ADAM18: variants seen among roughly 807,000 people sequenced by gnomAD.
ADAM18 encodes the protein disintegrin and metalloproteinase domain-containing protein 18.
In ADAM18, 117 loss-of-function variants were observed where a neutral mutation model predicts 94.4. The observed-to-expected ratio is 1.24, with a 90% CI of 1.07 to 1.45. ADAM18 has a LOEUF of 1.45. Ranked by LOEUF, ADAM18 falls within the 40% of genes most tolerant of loss-of-function variation. The probability of loss-of-function intolerance (pLI) is 0.00; values close to 1 mark genes in which losing one functional copy is unlikely to be tolerated. For synonymous variants in ADAM18, 327 were observed against 291.6 expected (o/e 1.12, Z -1.24); for missense variants, 936 against 880.0 (o/e 1.06, Z -0.81).
At chr8:39,645,762 A>G (rs1243865913) in intron 11 of ADAM18, among the ~76,000 whole-genome samples, 4 of 152,162 alleles carry the variant, frequency 2.6e-5, no homozygotes, top group African/African-American at 9.6e-5. Flanking sequence ...CTTTGTAACC[A>G]TCTTAAACAA....
At chr8:39,728,466 A>G (rs1019071036) in intron 19 of ADAM18, among the ~76,000 whole-genome samples, 1 of 152,166 alleles carries the variant, frequency 6.6e-6, no homozygotes, top group African/African-American at 2.4e-5. Flanking sequence ...GAGAGTCAGA[A>G]AGTCATTATT....
chr8:39,719,895 A>G (rs943338828), intron 18 of ADAM18, among the ~76,000 whole-genome samples: 2 of 151,464 alleles, frequency 1.3e-5, no homozygotes, highest in African/African-American at 2.4e-5. Flanking sequence ...CTATTATACA[A>G]TTTACCCAGT....
At chr8:39,716,662 C>T (rs186909447) in intron 18 of ADAM18, among the ~76,000 whole-genome samples, 4 of 151,938 alleles carry the variant, frequency 2.6e-5, no homozygotes, top group South Asian at 2.1e-4. Flanking sequence ...GAGAGCAACA[C>T]GCATTTTGCT....
intron 10 of ADAM18, among the ~76,000 whole-genome samples, chr8:39,642,371 C>T (rs1407748323): frequency 6.6e-6 from 1 of 152,052 alleles, no homozygotes; most frequent in Non-Finnish European, 1.5e-5. Flanking sequence ...AGCTTGTCTT[C>T]CAGGGATTTT....
chr8:39,702,846 C>T (rs1822126193), intron 17 of ADAM18, among the ~76,000 whole-genome samples: 1 of 152,118 alleles, frequency 6.6e-6, no homozygotes, highest in Non-Finnish European at 1.5e-5. Context: ...TCTATGTGTT[C>T]TGTCCTTGTA....
At chr8:39,708,054 A>G (rs1822290508) in intron 18 of ADAM18, among the ~76,000 whole-genome samples, 1 of 152,208 alleles carries the variant, frequency 6.6e-6, no homozygotes, top group African/African-American at 2.4e-5. Context: ...GGACTTGGGA[A>G]TGATTCAGGT....
intron 2 of ADAM18, among the ~76,000 whole-genome samples, chr8:39,588,096 T>C (rs528774880): frequency 6.6e-6 from 1 of 152,310 alleles, no homozygotes; most frequent in African/African-American, 2.4e-5. Flanking sequence ...TTTTTAATTT[T>C]TTGTGGAACC....
At chr8:39,609,170 A>AC in intron 4 of ADAM18, 50 bp downstream of exon 4, 1 of 1,194,692 alleles carries the variant, frequency 8.4e-7, no homozygotes, top group Non-Finnish European at 1.2e-6. Flanking sequence ...TATTATTACC[A>AC]TTAGAATGTG....
chr8:39,679,224 G>C (rs1311533559), intron 15 of ADAM18, among the ~76,000 whole-genome samples: 3 of 152,070 alleles, frequency 2.0e-5, no homozygotes, highest in Non-Finnish European at 4.4e-5. Context: ...TTCCCTAAGA[G>C]GAGCCTTTTG....
chr8:39,680,402 G>A (rs952168242), intron 16 of ADAM18, among the ~76,000 whole-genome samples, 176 bp downstream of exon 16: 4 of 152,010 alleles, frequency 2.6e-5, no homozygotes, highest in South Asian at 2.1e-4. Flanking sequence ...CAATTACATT[G>A]CTTTTTGGAT....
Position 39,638,602 on chromosome 8 carries a change from T to C in ADAM18, c.909+56T>C, listed in dbSNP as rs1441061363. ...TATTTTTAGGCCTTATATTATATTT[T>C]GTAAGTATTAATTTAAGTAGTTAAA... On this transcript the variant is annotated intron_variant, in intron 10 of 19. Transcript: ENST00000265707. 4.6e-6 allele frequency: 5 copies of C among 1,092,638 alleles called. No individual in the cohort carries two copies. In the African/African-American group the frequency reaches 8.3e-5, roughly 18 times the overall value. The allele number at this position is 1,092,638 out of a possible 1,614,324, so 67.7% of individuals were successfully genotyped here.
At position 39,699,532 on chromosome 8, in the gene ADAM18, A is replaced by G. The variant is rs183543276; in HGVS notation, c.1902+6852A>G. Reference sequence around the variant, plus strand: ...ATACACAAGTGAGATGTGTGGTGTTAATATTATATATGAATTTGTCTTCTT... The same window carrying G: ...ATACACAAGTGAGATGTGTGGTGTTGATATTATATATGAATTTGTCTTCTT... On this transcript the variant is annotated intron_variant, in intron 17 of 19. Transcript: ENST00000265707. Among the ~76,000 whole-genome samples the G allele has an allele frequency of 7.0e-4, 106 of 152,266 alleles. 2 individuals carry two copies. The East Asian group carries it at 0.013, about 18-fold the overall frequency.
At chr8:39,611,214 CT>C in intron 6 of ADAM18, 1 of 577,958 alleles carries the variant, frequency 1.7e-6, no homozygotes, top group Non-Finnish European at 2.2e-6. Context: ...TAAAAATATT[CT>C]ATTATTCTTA....
chr8:39,642,690 C>T (rs1030433299), intron 10 of ADAM18, among the ~76,000 whole-genome samples: 3 of 151,746 alleles, frequency 2.0e-5, no homozygotes, highest in African/African-American at 7.3e-5. Flanking sequence ...AGGTAGCAAC[C>T]ATGATGTCTC....
intron 2 of ADAM18, among the ~76,000 whole-genome samples, chr8:39,589,119 T>C (rs1038201673): frequency 6.6e-6 from 1 of 152,180 alleles, no homozygotes; most frequent in African/African-American, 2.4e-5. Flanking sequence ...TAGTCTTGGT[T>C]TTGTCTTGAT....
intron 18 of ADAM18, among the ~76,000 whole-genome samples, chr8:39,716,341 A>G (rs924808681): frequency 1.3e-5 from 2 of 151,948 alleles, no homozygotes; most frequent in Non-Finnish European, 2.9e-5. Context: ...GTTAATCACC[A>G]TGAACCTCCC....
At chr8:39,616,978 T>C (rs1439817309) in intron 6 of ADAM18, among the ~76,000 whole-genome samples, 1 of 152,058 alleles carries the variant, frequency 6.6e-6, no homozygotes, top group Non-Finnish European at 1.5e-5. Context: ...ATGATGAAGA[T>C]ACCAAAAGCA....
At chr8:39,637,856 A>T (rs143506696) in intron 9 of ADAM18, among the ~76,000 whole-genome samples, 153 bp downstream of exon 9, 1 of 152,026 alleles carries the variant, frequency 6.6e-6, no homozygotes, top group Non-Finnish European at 1.5e-5. Flanking sequence ...AGTGTACTTA[A>T]AAATATAATA....
chr8:39,677,454 T>C lies in ADAM18; in HGVS notation c.1549T>C (p.Cys517Arg). 6.2e-7 allele frequency: 1 copy of C among 1,608,288 alleles called. No homozygotes were observed. Among genetic ancestry groups the C allele is most frequent in the Non-Finnish European group, 8.5e-7 (1 of 1,178,840 alleles). ...AGGTGCTCAAGGTGCTCCATTTGCC[T>C]GTTTTAAAGAAGTTAATTCTCTGCA... The part of the protein sequence containing the change: ...GKGAQGAPFA[C>R]FKEVNSLHER... The change falls in exon 15 of 20, where the codon TGT becomes CGT. Residue 517 changes from cysteine (C) to arginine (R), a missense_variant. Transcript: ENST00000265707.
Sources: allele counts gnomAD v4.1 joint callset (sites outside exome capture counted in the v4.1 genomes callset), GRCh38; gene constraint gnomAD v4.1.1; transcripts MANE v1.5; gene names NCBI Gene and HGNC (gene_info 2026-07-23, HGNC 2026-07-21).